The following PRR5 variants were observed in gnomAD, a reference collection of about 807,000 sequenced individuals.
PRR5 encodes proline rich 5, also known as proline-rich protein 5.
Under a neutral mutation model 30.6 loss-of-function variants are expected in PRR5, and 25 were observed. The ratio of observed to expected loss-of-function variants is 0.82; its 90% CI spans 0.60 to 1.14. The LOEUF (loss-of-function observed/expected upper bound fraction) is 1.14. PRR5 is among the 50% of genes most tolerant of loss of function. The probability of loss-of-function intolerance (pLI) is 0.00; values close to 1 mark genes in which losing one functional copy is unlikely to be tolerated. For missense variants in PRR5, 600 were observed against 547.1 expected (o/e 1.10, Z -0.96); for synonymous variants, 286 against 247.1 (o/e 1.16, Z -1.48).
chr22:44,725,924 C>G (rs1343972044), intron 3 of PRR5, among the ~76,000 whole-genome samples: 1 of 152,214 alleles, frequency 6.6e-6, no homozygotes, highest in African/African-American at 2.4e-5. Flanking sequence ...CTCAGCCTCC[C>G]AAAGTGCTGG....
upstream of PRR5, among the ~76,000 whole-genome samples, chr22:44,698,745 G>T (rs192782615): frequency 1.3e-5 from 2 of 152,220 alleles, no homozygotes; most frequent in African/African-American, 2.4e-5. Flanking sequence ...CAATCTCTCC[G>T]TTGTAAAATG....
At chr22:44,727,953 G>A (rs1054300989) in intron 4 of PRR5, among the ~76,000 whole-genome samples, 1 of 152,238 alleles carries the variant, frequency 6.6e-6, no homozygotes, top group Non-Finnish European at 1.5e-5. Context: ...TGAGCATTTG[G>A]CACCTGACGA....
In PRR5 at chr22:44,691,297, G is replaced by A. The variant is rs1195259222; in HGVS notation, c.-10-11195G>A. Among the ~76,000 whole-genome samples the A allele has an allele frequency of 2.0e-5, 3 of 152,158 alleles. No homozygotes were observed. Among genetic ancestry groups the A allele is most frequent in the Non-Finnish European group, 4.4e-5 (3 of 68,020 alleles). ...CCCTCACCAGCCTGTGACCCTGCAG[G>A]TGACGTCAGGACTCAGAACCTCCAT... On this transcript the variant is annotated intron_variant, in intron 1 of 8. Transcript: ENST00000006251. The surrounding 1 kb of genome is among the most constrained non-coding windows in gnomAD (Gnocchi z 4.4).
rs1463924307 is a variant in PRR5 at position 44,732,953 on chromosome 22, AT to A, written c.555+563del. Among the ~76,000 whole-genome samples, 167 of 147,156 alleles carry A rather than the reference AT, an allele frequency of 1.1e-3. 1 individual carries two copies. The highest frequency in any genetic ancestry group is 1.4e-4 in the Non-Finnish European group (9 of 66,454). ...GCACATACTACACACGTGTGCACACATACGCGTGCACACGCATACACACTAC... is the reference window on the plus strand; with the variant it reads ...GCACATACTACACACGTGTGCACACAACGCGTGCACACGCATACACACTAC... On this transcript the variant is annotated intron_variant, in intron 6 of 7. Transcript: ENST00000336985.
upstream of PRR5, among the ~76,000 whole-genome samples, chr22:44,676,062 G>A (rs1601943443): frequency 6.6e-6 from 1 of 151,846 alleles, no homozygotes; most frequent in East Asian, 1.9e-4. Context: ...CTGAACCTGG[G>A]AAAGTGAAAA....
chr22:44,683,014 C>A (rs1207696097), intron 1 of PRR5, among the ~76,000 whole-genome samples: 1 of 152,182 alleles, frequency 6.6e-6, no homozygotes, highest in Non-Finnish European at 1.5e-5. Context: ...GGAAGATCAT[C>A]CCAAAATAAG....
intron 1 of PRR5, among the ~76,000 whole-genome samples, chr22:44,682,212 A>G (rs1221790430): frequency 1.3e-5 from 2 of 152,232 alleles, no homozygotes; most frequent in Non-Finnish European, 2.9e-5. Context: ...AGGACCCTCC[A>G]GGGAGGCCTC....
At chr22:44,670,995 T>C (rs1235363377) in intron 1 of PRR5, among the ~76,000 whole-genome samples, 1 of 152,186 alleles carries the variant, frequency 6.6e-6, no homozygotes, top group Non-Finnish European at 1.5e-5. Flanking sequence ...CATTCATTCA[T>C]TTACTCATTC....
chr22:44,727,651 C>G (rs774397964), intron 4 of PRR5, among the ~76,000 whole-genome samples: 1 of 152,344 alleles, frequency 6.6e-6, no homozygotes. Flanking sequence ...AACCCATACT[C>G]TTCACTCTGC....
intron 4 of PRR5, chr22:44,730,084 G>T (rs978727156): frequency 1.0e-6 from 1 of 985,430 alleles, no homozygotes; most frequent in Non-Finnish European, 1.2e-6. Flanking sequence ...AGTCCAGCTC[G>T]GCCCCAGCCC....
chr22:44,669,595 A>T (rs1230708757), intron 1 of PRR5, among the ~76,000 whole-genome samples: 1 of 152,220 alleles, frequency 6.6e-6, no homozygotes, highest in Non-Finnish European at 1.5e-5. Context: ...CTGTTCCCAT[A>T]AGCAGAGCCT....
chr22:44,732,270 G>C lies in PRR5; in HGVS notation c.434G>C (p.Arg145Pro). Residue 145 changes from arginine to proline, a missense_variant, in exon 6 of 8, where the codon CGC (arginine) becomes CCC (proline). Coordinates refer to ENST00000336985, the MANE Select transcript of PRR5 (RefSeq NM_181333.4). ...CCACAGGGCAAGGAGCCATCGGTGC[G>C]CCAGCTGGCCCTGCTGCACTTCCGG... ...YPVQGKEPSV[R>P]QLALLHFRNA... The C allele has an allele frequency of 6.2e-7, 1 of 1,611,798 alleles. No individual in the cohort carries two copies.
At chr22:44,714,441 G>A in intron 1 of PRR5, 150 bp from the exon 2 acceptor site, 1 of 1,105,658 alleles carries the variant, frequency 9.0e-7, no homozygotes, top group Non-Finnish European at 1.3e-6. Flanking sequence ...GGGGGTGCAG[G>A]GCCTCGGAGT....
chr22:44,709,456 C>T (rs561446684), intron 1 of PRR5, among the ~76,000 whole-genome samples: 1 of 152,194 alleles, frequency 6.6e-6, no homozygotes, highest in African/African-American at 2.4e-5. Flanking sequence ...AATGTGGGCA[C>T]CTCTGGGAGC....
chr22:44,690,818 A>T (rs1396620765), intron 1 of PRR5, among the ~76,000 whole-genome samples: 3 of 152,048 alleles, frequency 2.0e-5, no homozygotes, highest in Non-Finnish European at 2.9e-5. Flanking sequence ...CTTCCAGGCA[A>T]CAAGTGGGCA....
chr22:44,719,086 A>G (rs1342449719), intron 2 of PRR5, among the ~76,000 whole-genome samples: 1 of 140,096 alleles, frequency 7.1e-6, no homozygotes, highest in African/African-American at 2.7e-5. Context: ...CACTTTGCAT[A>G]ATCTTTTTTT....
At chr22:44,677,067 C>G (rs1322905807) in exon 1 of PRR5, 1 of 152,360 alleles carries the variant, frequency 6.6e-6, no homozygotes, top group African/African-American at 2.4e-5. Context: ...ATTCGGCTGC[C>G]CCCAAGGCCA....
intron 7 of PRR5, among the ~76,000 whole-genome samples, chr22:44,736,521 G>C (rs111481099): frequency 6.6e-6 from 1 of 152,360 alleles, no homozygotes; most frequent in African/African-American, 2.4e-5. Flanking sequence ...CGCTGGCGGG[G>C]TGCAGGTTCA....
chr22:44,674,895 G>A (rs1445559229), upstream of PRR5, among the ~76,000 whole-genome samples: 3 of 151,094 alleles, frequency 2.0e-5, no homozygotes, highest in Admixed American at 6.6e-5. Context: ...GCAGTGAGCC[G>A]AGATCTCGCC....
Sources: gnomAD v4.1 joint callset for allele counts (sites outside exome capture counted in the v4.1 genomes callset) on GRCh38, gnomAD v4.1.1 for gene constraint, Gnocchi (gnomAD v3.1) non-coding constraint, MANE v1.5 for transcripts, NCBI Gene and HGNC (gene_info 2026-07-23, HGNC 2026-07-21) for gene names.